The following MGMT variants were observed in gnomAD, a reference collection of about 807,000 sequenced individuals.
The protein encoded by MGMT is O-6-methylguanine-DNA methyltransferase, also known as methylated-DNA--protein-cysteine methyltransferase.
In MGMT, 14 loss-of-function variants were observed where a neutral mutation model predicts 15.9. That is an observed-to-expected ratio of 0.88 (90% CI 0.58 to 1.37). The LOEUF (loss-of-function observed/expected upper bound fraction) is 1.37. MGMT is among the 40% of genes most tolerant of loss of function. The probability of loss-of-function intolerance (pLI) is 0.00; values close to 1 mark genes in which losing one functional copy is unlikely to be tolerated. For missense variants in MGMT, 282 were observed against 268.1 expected (o/e 1.05, Z -0.36); for synonymous variants, 130 against 118.2 (o/e 1.10, Z -0.65).
At chr10:129,717,189 G>T (rs1307552512) in intron 3 of MGMT, among the ~76,000 whole-genome samples, 3 of 152,206 alleles carry the variant, frequency 2.0e-5, no homozygotes, top group Admixed American at 2.0e-4. Context: ...AACTTTCAGT[G>T]TGATACCCTT....
chr10:129,617,159 G>A (rs1479255171), intron 2 of MGMT, among the ~76,000 whole-genome samples: 1 of 152,102 alleles, frequency 6.6e-6, no homozygotes, highest in Admixed American at 6.5e-5. Flanking sequence ...GTTGTCTGCT[G>A]TTCCCTTCTT....
intron 2 of MGMT, among the ~76,000 whole-genome samples, chr10:129,638,429 CAAA>C: frequency 6.5e-5 from 4 of 61,740 alleles, no homozygotes; most frequent in African/African-American, 2.1e-4. Flanking sequence ...ACCAAAGAGG[CAAA>C]AAAAAAAAAA....
At chr10:129,761,765 C>G (rs1161338562) in intron 4 of MGMT, among the ~76,000 whole-genome samples, 1 of 152,216 alleles carries the variant, frequency 6.6e-6, no homozygotes, top group African/African-American at 2.4e-5. Flanking sequence ...CCCTTCTCGG[C>G]GTCCACATGC....
At chr10:129,477,541 T>G (rs372258258) in intron 1 of MGMT, among the ~76,000 whole-genome samples, 92 of 152,288 alleles carry the variant, frequency 6.0e-4, no homozygotes, top group African/African-American at 2.0e-3. Context: ...CTAGGATTGA[T>G]GGCCTTGGCA....
At chr10:129,716,480 C>T (rs1848299333) in intron 3 of MGMT, among the ~76,000 whole-genome samples, 1 of 152,296 alleles carries the variant, frequency 6.6e-6, no homozygotes, top group Non-Finnish European at 1.5e-5. Flanking sequence ...GCTCCGCGAT[C>T]CCCCGCCTGC....
chr10:129,509,490 A>C (rs1464561222), intron 1 of MGMT, among the ~76,000 whole-genome samples: 7 of 152,196 alleles, frequency 4.6e-5, no homozygotes, highest in Non-Finnish European at 8.8e-5. Context: ...GGTGTGTTTT[A>C]TCAAGTGGAA....
intron 2 of MGMT, among the ~76,000 whole-genome samples, chr10:129,690,948 G>T (rs1847962834): frequency 6.6e-6 from 1 of 152,208 alleles, no homozygotes; most frequent in Non-Finnish European, 1.5e-5. Context: ...AGGAAGGTTT[G>T]TCTGGTTTTG....
chr10:129,538,909 C>T (rs1014647950), intron 2 of MGMT, among the ~76,000 whole-genome samples: 6 of 152,208 alleles, frequency 3.9e-5, no homozygotes, highest in African/African-American at 1.4e-4. Context: ...ACTGGGATTA[C>T]AGGCGTGAGC....
intron 3 of MGMT, among the ~76,000 whole-genome samples, chr10:129,738,786 C>T (rs1002706526): frequency 2.0e-5 from 3 of 152,202 alleles, no homozygotes; most frequent in Admixed American, 6.5e-5. Flanking sequence ...AAGAGGGAAT[C>T]CTCACTAACT....
chr10:129,494,517 A>T (rs1845501433), intron 1 of MGMT, among the ~76,000 whole-genome samples: 1 of 152,168 alleles, frequency 6.6e-6, no homozygotes, highest in Non-Finnish European at 1.5e-5. Flanking sequence ...CAATGACAGG[A>T]TTGGCCAGGG....
At chr10:129,756,289 A>AG (rs1482237534) in intron 3 of MGMT, among the ~76,000 whole-genome samples, 1 of 152,148 alleles carries the variant, frequency 6.6e-6, no homozygotes, top group Non-Finnish European at 1.5e-5. Context: ...CAAGGTACCC[A>AG]GCACCACAGG....
intron 2 of MGMT, among the ~76,000 whole-genome samples, chr10:129,652,406 C>G (rs754755730): frequency 6.6e-6 from 1 of 152,214 alleles, no homozygotes; most frequent in Non-Finnish European, 1.5e-5. Flanking sequence ...GGCCCCCTTC[C>G]TGGAAGGCAA....
chr10:129,692,140 G>C (rs1847976034), intron 2 of MGMT, among the ~76,000 whole-genome samples: 1 of 152,186 alleles, frequency 6.6e-6, no homozygotes, highest in African/African-American at 2.4e-5. Context: ...TATATGGTCT[G>C]AGGTGGTTGT....
chr10:129,504,326 A>G (rs1285113086), intron 1 of MGMT, among the ~76,000 whole-genome samples: 1 of 152,224 alleles, frequency 6.6e-6, no homozygotes, highest in Non-Finnish European at 1.5e-5. Context: ...CAGCTTTTGT[A>G]AAGTTTCAAA....
At chr10:129,642,374 G>C (rs1847337504) in intron 2 of MGMT, among the ~76,000 whole-genome samples, 1 of 152,048 alleles carries the variant, frequency 6.6e-6, no homozygotes, top group African/African-American at 2.4e-5. Flanking sequence ...TTTTGAAAAT[G>C]ATGTTCCCAG....
chr10:129,479,662 C>G (rs570015587), intron 1 of MGMT, among the ~76,000 whole-genome samples: 4 of 152,016 alleles, frequency 2.6e-5, no homozygotes, highest in Non-Finnish European at 5.9e-5. Context: ...CATTTTCCTA[C>G]GAGGGCAGAC....
intron 2 of MGMT, chr10:129,701,913 G>A (rs1384962144): frequency 1.3e-5 from 2 of 152,212 alleles, no homozygotes; most frequent in African/African-American, 4.8e-5. Context: ...CTTCTTGCAG[G>A]TAGGGAGGAC....
At chr10:129,491,962 CTCTT>C (rs1429098930) in intron 1 of MGMT, among the ~76,000 whole-genome samples, 1 of 151,926 alleles carries the variant, frequency 6.6e-6, no homozygotes, top group African/African-American at 2.4e-5. Context: ...TTTTTCCCTT[CTCTT>C]TATTATTATT....
chr10:129,502,208 GA>G (rs1845581314), intron 1 of MGMT, among the ~76,000 whole-genome samples: 1 of 152,136 alleles, frequency 6.6e-6, no homozygotes, highest in Non-Finnish European at 1.5e-5. Context: ...GAAGAATGTT[GA>G]CTTGACCTGG....
Sources: allele counts gnomAD v4.1 joint callset (sites outside exome capture counted in the v4.1 genomes callset), GRCh38; gene constraint gnomAD v4.1.1; transcripts MANE v1.5; gene names NCBI Gene and HGNC (gene_info 2026-07-23, HGNC 2026-07-21).